Variants in FBRSL1 observed in about 807,000 individuals in gnomAD.
FBRSL1 encodes the protein fibrosin like 1, also known as fibrosin-1-like protein.
A neutral mutation model predicts 89.6 loss-of-function variants in FBRSL1; 51 were observed. The ratio of observed to expected loss-of-function variants is 0.57; its 90% CI spans 0.45 to 0.72. The LOEUF (loss-of-function observed/expected upper bound fraction) is 0.72. Among genes scored for constraint, FBRSL1 ranks in the 30% least tolerant of loss-of-function variants. The pLI is 0.00. For missense variants in FBRSL1, 1,618 were observed against 1,451.8 expected (o/e 1.11, Z -1.86); for synonymous variants, 779 against 681.1 (o/e 1.14, Z -2.24).
rs150761668 is a variant in FBRSL1 at position 132,491,495 on chromosome 12, C to T, written c.291+634C>T. ...GTCTGAGAGTTGGGGCAGGCGCTGT[C>T]TCCCCAGGACTGGCATGGGCAGGAA... On this transcript the variant is annotated intron_variant, in intron 1 of 18. Transcript: ENST00000680143. Among the ~76,000 whole-genome samples the T allele has an allele frequency of 7.9e-5, 12 of 152,382 alleles. No individual in the cohort carries two copies. In the East Asian group the frequency reaches 2.1e-3, roughly 27 times the overall value.
chr12:132,563,565 C>T (rs986086058), intron 5 of FBRSL1, among the ~76,000 whole-genome samples: 33 of 152,144 alleles, frequency 2.2e-4, no homozygotes, highest in Non-Finnish European at 8.8e-5. Flanking sequence ...TTTGCCTGTC[C>T]GTCTGTCCCA....
intron 1 of FBRSL1, among the ~76,000 whole-genome samples, chr12:132,503,452 G>C (rs2033284540): frequency 6.6e-6 from 1 of 152,272 alleles, no homozygotes; most frequent in African/African-American, 2.4e-5. Context: ...ATTGGACATG[G>C]GACGCCCTGG....
intron 2 of FBRSL1, among the ~76,000 whole-genome samples, chr12:132,516,345 C>T (rs2136741818): frequency 6.6e-6 from 1 of 152,284 alleles, no homozygotes; most frequent in South Asian, 2.1e-4. Flanking sequence ...CCACCACGCC[C>T]AGCTAATTTT....
At position 132,499,280 on chromosome 12, in the gene FBRSL1, C is replaced by T. The variant is rs918107949; in HGVS notation, c.291+8419C>T. 3.3e-5 allele frequency among the ~76,000 whole-genome samples: 5 copies of T among 150,700 alleles called. No homozygotes were observed. The highest frequency in any genetic ancestry group is 9.8e-5 in the African/African-American group (4 of 40,938). Reference sequence around the variant, plus strand: ...GACCTCTGGGAGAGGCCAGGTGAGCCGCTGGCCAGCAGGGAAGGGCCAGCC... The same window carrying T: ...GACCTCTGGGAGAGGCCAGGTGAGCTGCTGGCCAGCAGGGAAGGGCCAGCC... On this transcript the variant is annotated intron_variant, in intron 1 of 18. Coordinates refer to ENST00000680143, the MANE Select transcript of FBRSL1 (RefSeq NM_001367871.1). This position sits in a 1 kb window ranked among gnomAD's most constrained non-coding sequence, Gnocchi z 4.3.
At chr12:132,540,603 CCT>C (rs1399851941) in intron 4 of FBRSL1, among the ~76,000 whole-genome samples, 4 of 152,046 alleles carry the variant, frequency 2.6e-5, no homozygotes, top group Middle Eastern at 3.2e-3. Context: ...CCACACGCCC[CCT>C]GACCCGCCCA....
At position 132,562,755 on chromosome 12, in the gene FBRSL1, G is replaced by A. The variant is rs1369730178; in HGVS notation, c.646-4726G>A. ...CTTCCGGCGCGTGTGGGTGTGGCAG[G>A]CCCGCCTCGGCTCTTGCCATCTTAC... On this transcript the variant is annotated intron_variant, in intron 5 of 18. Coordinates refer to ENST00000680143, the MANE Select transcript of FBRSL1 (RefSeq NM_001367871.1). Among the ~76,000 whole-genome samples the A allele has an allele frequency of 2.0e-5, 3 of 152,206 alleles. No individual in the cohort carries two copies. In the East Asian group the frequency reaches 5.8e-4, roughly 29 times the overall value.
intron 5 of FBRSL1, among the ~76,000 whole-genome samples, chr12:132,550,384 G>T (rs1000730274): frequency 6.6e-6 from 1 of 152,178 alleles, no homozygotes; most frequent in Non-Finnish European, 1.5e-5. Flanking sequence ...TTCTGGCTGC[G>T]GCAAGGTCTG....
At chr12:132,504,887 T>C (rs1223464203) in intron 1 of FBRSL1, among the ~76,000 whole-genome samples, 1 of 151,936 alleles carries the variant, frequency 6.6e-6, no homozygotes, top group Non-Finnish European at 1.5e-5. Flanking sequence ...CCCAGCACTC[T>C]GGGGGGCTGA....
rs183128418 is a variant in FBRSL1, at chr12:132,580,191, G to A, written c.1835-1248G>A. On this transcript the variant is annotated intron_variant, in intron 15 of 18. Transcript: ENST00000680143. The stretch of plus-strand genomic sequence containing the variant: ...CGACCTCCACCTCCCGGGTTCAAGC[G>A]ATTCTCCTGCCTCAGCCTCCCAAGT... 2.2e-3 allele frequency among the ~76,000 whole-genome samples: 329 copies of A among 152,262 alleles called. 2 individuals are homozygous for A. Among genetic ancestry groups the A allele is most frequent in the African/African-American group, 7.3e-3 (302 of 41,552 alleles).
chr12:132,567,647 G>C, intron 6 of FBRSL1, 121 bp downstream of exon 6: 1 of 1,033,020 alleles, frequency 9.7e-7, no homozygotes, highest in Non-Finnish European at 1.4e-6. Flanking sequence ...CTGGGGTGCA[G>C]AGCTGGGTGG....
chr12:132,569,946 G>GAGGCCA lies in FBRSL1; in HGVS notation c.718_723dup (p.Lys240_Ala241dup). On this transcript the variant is annotated inframe_insertion, in exon 7 of 19. Transcript: ENST00000680143. ...TGCAGGCCCAGCGCTTGAGAAGTCG[G>GAGGCCA]AGGCCAAGGCCGGGCCGGTGCCCAA... is the stretch of plus-strand genomic sequence containing the variant. 7.0e-7 allele frequency: 1 copy of GAGGCCA among 1,422,018 alleles called. No homozygotes were observed. The allele number at this position is 1,422,018 out of a possible 1,614,324, so 88.1% of individuals were successfully genotyped here. A position where few individuals can be genotyped will look rare whatever the true frequency, so the allele number is the denominator to read the frequency against.
Position 132,578,446 on chromosome 12 carries a change from G to A in FBRSL1, c.1834+1515G>A, listed in dbSNP as rs112899536. On this transcript the variant is annotated intron_variant, in intron 15 of 18. Coordinates refer to ENST00000680143, the MANE Select transcript of FBRSL1 (RefSeq NM_001367871.1). Reference sequence around the variant, plus strand: ...AAGGTCTTCATCCTCGTCCTCACACGGAGTGGGCTGAGGAGGAGGAGGGGC... The same window carrying A: ...AAGGTCTTCATCCTCGTCCTCACACAGAGTGGGCTGAGGAGGAGGAGGGGC... 7.7e-3 allele frequency among the ~76,000 whole-genome samples: 1,176 copies of A among 152,060 alleles called. 12 individuals carry two copies. Among genetic ancestry groups the A allele is most frequent in the African/African-American group, 0.027 (1,101 of 41,498 alleles).
intron 2 of FBRSL1, among the ~76,000 whole-genome samples, chr12:132,519,639 G>A (rs574993224): frequency 7.4e-4 from 113 of 152,294 alleles, no homozygotes; most frequent in African/African-American, 2.6e-3. Flanking sequence ...GGCTGGGCGC[G>A]GTGGCTCACG....
intron 15 of FBRSL1, among the ~76,000 whole-genome samples, chr12:132,579,594 G>C (rs1367654754): frequency 1.3e-5 from 2 of 152,162 alleles, no homozygotes; most frequent in East Asian, 1.9e-4. Context: ...GTCATATCTA[G>C]GAGTGGGTGG....
At chr12:132,537,992 G>A (rs1480468428) in intron 4 of FBRSL1, among the ~76,000 whole-genome samples, 1 of 152,214 alleles carries the variant, frequency 6.6e-6, no homozygotes, top group Non-Finnish European at 1.5e-5. Context: ...GGGCCGCAGA[G>A]CCCTGAGTGC....
At chr12:132,516,596 A>G (rs1179147956) in intron 2 of FBRSL1, among the ~76,000 whole-genome samples, 1 of 152,216 alleles carries the variant, frequency 6.6e-6, no homozygotes, top group South Asian at 2.1e-4. Context: ...AGCCTAGCCT[A>G]ACACTTGAAG....
intron 15 of FBRSL1, chr12:132,581,008 A>G: frequency 1.0e-6 from 1 of 985,442 alleles, no homozygotes; most frequent in Non-Finnish European, 1.2e-6. Context: ...CCAAGACAGA[A>G]CCGTGTCCAT....
intron 4 of FBRSL1, among the ~76,000 whole-genome samples, chr12:132,531,245 G>T (rs907635697): frequency 1.3e-5 from 2 of 152,108 alleles, no homozygotes; most frequent in Admixed American, 1.3e-4. Context: ...GCAGGCGAGG[G>T]GCCCAGGCGA....
intron 2 of FBRSL1, chr12:132,511,215 A>G (rs1342955934): frequency 6.1e-6 from 6 of 981,994 alleles, no homozygotes; most frequent in South Asian, 4.7e-5. Flanking sequence ...CTCTGCCTCC[A>G]CCACCCCCGT....
Sources: gnomAD v4.1 joint callset for allele counts (sites outside exome capture counted in the v4.1 genomes callset) on GRCh38, gnomAD v4.1.1 for gene constraint, Gnocchi (gnomAD v3.1) non-coding constraint, MANE v1.5 for transcripts, NCBI Gene and HGNC (gene_info 2026-07-23, HGNC 2026-07-21) for gene names.